The following NBPF3 variants were observed in gnomAD, a reference collection of about 807,000 sequenced individuals.
NBPF3 encodes the protein NBPF member 3.
Under a neutral mutation model 78.1 loss-of-function variants are expected in NBPF3, and 57 were observed. The ratio of observed to expected loss-of-function variants is 0.73; its 90% confidence interval spans 0.59 to 0.91. The LOEUF is 0.91. Among genes scored for constraint, NBPF3 ranks in the 40% least tolerant of loss-of-function variants. The pLI, the probability that NBPF3 is intolerant of heterozygous loss-of-function variation, is 0.00. For missense variants in NBPF3, 510 were observed against 715.3 expected (o/e 0.71, Z 3.27); for synonymous variants, 182 against 271.7 (o/e 0.67, Z 3.25).
chr1:21,455,776 A>G (rs1641567176), intron 2 of NBPF3, among the ~76,000 whole-genome samples: 4 of 152,230 alleles, frequency 2.6e-5, no homozygotes, highest in African/African-American at 9.6e-5. Context: ...CATCCTTATC[A>G]AGGACTGGAC....
chr1:21,477,709 TA>T (rs574447259), intron 8 of NBPF3, among the ~76,000 whole-genome samples: 22 of 151,682 alleles, frequency 1.5e-4, no homozygotes, highest in Non-Finnish European at 2.8e-4. Context: ...ATTGAAAAAA[TA>T]AACATATTAT....
intron 2 of NBPF3, among the ~76,000 whole-genome samples, chr1:21,457,167 C>CGT (rs56310866): frequency 0.21 from 31,436 of 149,326 alleles, 3,920 homozygotes; most frequent in Non-Finnish European, 0.29. Context: ...TGGTGGCTCA[C>CGT]GTGTGTGTGT....
intron 6 of NBPF3, 70 bp downstream of exon 6, chr1:21,472,985 T>C: frequency 8.4e-7 from 1 of 1,192,814 alleles, no homozygotes; most frequent in Non-Finnish European, 1.3e-6. Context: ...GCACACCCTC[T>C]CTGGCATCTA....
chr1:21,464,917 G>A (rs1253837075), intron 2 of NBPF3, among the ~76,000 whole-genome samples: 13 of 151,108 alleles, frequency 8.6e-5, no homozygotes, highest in African/African-American at 2.9e-4. Context: ...TGAGGCAGGA[G>A]GATCGCTTGA....
At chr1:21,452,903 A>G (rs1171119854) in intron 2 of NBPF3, among the ~76,000 whole-genome samples, 1 of 152,234 alleles carries the variant, frequency 6.6e-6, no homozygotes, top group Non-Finnish European at 1.5e-5. Flanking sequence ...CTGGCCCTTT[A>G]TAATACAGCT....
In NBPF3 at chr1:21,470,652, C is replaced by T; in HGVS notation, c.364C>T (p.Leu122Phe). ...CTCAGACTATGAAGACTGCAAAGAC[C>T]TCATAAAATCTATGCTGAGGGATGA... ...NNYDYEDCKD[L>F]IKSMLRDERL... The change falls in exon 4 of 15, where the codon CTC becomes TTC. Residue 122 changes from leucine (L) to phenylalanine (F), a missense_variant. Transcript: ENST00000318249. The T allele has an allele frequency of 6.3e-7, 1 of 1,598,216 alleles. No homozygotes were observed. Among genetic ancestry groups the T allele is most frequent in the Non-Finnish European group, 8.5e-7 (1 of 1,169,758 alleles).
At chr1:21,466,844 T>C (rs1057210159) in intron 2 of NBPF3, among the ~76,000 whole-genome samples, 1 of 152,232 alleles carries the variant, frequency 6.6e-6, no homozygotes, top group Non-Finnish European at 1.5e-5. Context: ...ATGATGAAGA[T>C]ACAATGTCCA....
At chr1:21,479,275 T>C in intron 9 of NBPF3, 74 bp from the exon 10 acceptor site, 7 of 1,467,998 alleles carry the variant, frequency 4.8e-6, no homozygotes, top group Non-Finnish European at 6.6e-6. Flanking sequence ...TGTGTTAGGA[T>C]TGGACAGAGG....
intron 2 of NBPF3, among the ~76,000 whole-genome samples, chr1:21,458,361 T>TG (rs1641754317): frequency 7.3e-6 from 1 of 136,954 alleles, no homozygotes; most frequent in Non-Finnish European, 1.6e-5. Flanking sequence ...AATAAGGGCA[T>TG]GGGCTTTTTT....
intron 8 of NBPF3, among the ~76,000 whole-genome samples, chr1:21,475,939 T>G (rs201862750): frequency 7.0e-6 from 1 of 143,716 alleles, no homozygotes; most frequent in African/African-American, 2.5e-5. Flanking sequence ...GGACTTGCTT[T>G]ATGAATCTGG....
chr1:21,445,189 G>C lies in NBPF3; in HGVS notation c.103G>C (p.Gly35Arg), dbSNP rs1301928670. 1.2e-6 allele frequency: 2 copies of C among 1,611,834 alleles called. No homozygotes were observed. The highest frequency in any genetic ancestry group is 2.2e-5 in the South Asian group (2 of 90,972). The change falls in exon 2 of 15, where the codon GGC (glycine) becomes CGC (arginine). Residue 35 changes from glycine (G) to arginine (R), a missense_variant. Coordinates refer to ENST00000318249, the MANE Select transcript of NBPF3 (RefSeq NM_032264.6). ...ACCAAGAGCAGCCTCACATGGTGTG[G>C]GCCGACATCAAGAGCTGCGAGATCC... is the stretch of plus-strand genomic sequence containing the variant. ...GAPRAASHGV[G>R]RHQELRDPTV...
At chr1:21,440,879 T>A (rs1346721424) in intron 1 of NBPF3, 5 of 152,280 alleles carry the variant, frequency 3.3e-5, no homozygotes, top group African/African-American at 9.6e-5. Flanking sequence ...ACCTCCTGAC[T>A]AGCGGGGCAA....
At chr1:21,468,275 G>T in intron 2 of NBPF3, 1 of 477,634 alleles carries the variant, frequency 2.1e-6, no homozygotes, top group Non-Finnish European at 3.0e-6. Flanking sequence ...TTGTCACAAG[G>T]GTACACGAAC....
intron 4 of NBPF3, 128 bp downstream of exon 4, chr1:21,470,862 C>T (rs1041165340): frequency 7.5e-5 from 43 of 573,810 alleles, no homozygotes; most frequent in South Asian, 3.9e-4. Context: ...GGCAGGCTCA[C>T]GACACACAAA....
At chr1:21,437,092 G>C (rs999682695), upstream of NBPF3, among the ~76,000 whole-genome samples, 8 of 152,140 alleles carry the variant, frequency 5.3e-5, no homozygotes, top group African/African-American at 1.9e-4. Context: ...GGCAGTGTTA[G>C]GGTCCTGGTA....
intron 2 of NBPF3, 141 bp downstream of exon 2, chr1:21,445,360 T>C (rs2147898331): frequency 1.0e-6 from 1 of 994,252 alleles, no homozygotes; most frequent in East Asian, 2.6e-5. Flanking sequence ...AATACGTATT[T>C]GTTAAATGAA....
At chr1:21,475,050 A>C in intron 8 of NBPF3, 99 bp downstream of exon 8, 2 of 1,029,328 alleles carry the variant, frequency 1.9e-6, no homozygotes, top group Non-Finnish European at 3.0e-6. Context: ...TTTTTATTCC[A>C]TTCACCCAGC....
chr1:21,473,617 T>G, intron 7 of NBPF3, 32 bp downstream of exon 7: 1 of 1,567,886 alleles, frequency 6.4e-7, no homozygotes, highest in Non-Finnish European at 8.8e-7. Context: ...CTCACACCTT[T>G]TCCTATGCTG....
chr1:21,468,602 A>G, intron 2 of NBPF3, 86 bp from the exon 3 acceptor site: 1 of 1,603,894 alleles, frequency 6.2e-7, no homozygotes, highest in Non-Finnish European at 8.5e-7. Flanking sequence ...TAAGAATTTC[A>G]GTTACTGACA....
Sources: allele counts gnomAD v4.1 joint callset (sites outside exome capture counted in the v4.1 genomes callset), GRCh38; gene constraint gnomAD v4.1.1; transcripts MANE v1.5; gene names NCBI Gene and HGNC (gene_info 2026-07-23, HGNC 2026-07-21).